Variants in DYNC2I1 observed in about 807,000 individuals in gnomAD.
DYNC2I1 encodes the protein dynein 2 intermediate chain 1, also known as cytoplasmic dynein 2 intermediate chain 1.
Under a neutral mutation model 133.4 loss-of-function variants are expected in DYNC2I1, and 89 were observed. That is an observed-to-expected ratio of 0.67 (90% CI 0.56 to 0.80). The LOEUF (loss-of-function observed/expected upper bound fraction) is 0.80. DYNC2I1 is among the 30% of genes least tolerant of loss of function. DYNC2I1 has a pLI of 0.00. For synonymous variants in DYNC2I1, 504 were observed against 484.3 expected (o/e 1.04, Z -0.54); for missense variants, 1,291 against 1,314.5 (o/e 0.98, Z 0.28).
chr7:158,879,275 C>T (rs373930875), intron 4 of DYNC2I1, among the ~76,000 whole-genome samples: 2 of 151,934 alleles, frequency 1.3e-5, no homozygotes, highest in Admixed American at 6.6e-5. Flanking sequence ...TGTAAGTTTT[C>T]CTCCTTTTAT....
At chr7:158,928,068 G>A (rs1174945723) in intron 20 of DYNC2I1, among the ~76,000 whole-genome samples, 4 of 152,170 alleles carry the variant, frequency 2.6e-5, no homozygotes, top group South Asian at 2.1e-4. Context: ...ATGCTGCCCC[G>A]AGGGCCCTTA....
At chr7:158,894,834 C>T (rs1246201693) in intron 8 of DYNC2I1, among the ~76,000 whole-genome samples, 1 of 151,912 alleles carries the variant, frequency 6.6e-6, no homozygotes, top group Non-Finnish European at 1.5e-5. Flanking sequence ...CCTGTGCCTC[C>T]ACATCCTCAC....
chr7:158,899,422 TAGATC>T (rs1274238785), intron 8 of DYNC2I1, among the ~76,000 whole-genome samples: 2 of 152,220 alleles, frequency 1.3e-5, no homozygotes, highest in Non-Finnish European at 2.9e-5. Flanking sequence ...TGTTATCTGT[TAGATC>T]AATTAAGGAA....
intron 1 of DYNC2I1, among the ~76,000 whole-genome samples, chr7:158,858,080 C>T (rs921075780): frequency 3.3e-5 from 5 of 152,242 alleles, no homozygotes; most frequent in South Asian, 2.1e-4. Context: ...CGTGAGCCAC[C>T]GCGCTAGGCC....
At chr7:158,845,403 A>T in the DYNC2I1 span, among the ~76,000 whole-genome samples, 2 of 152,214 alleles carry the variant, frequency 1.3e-5, no homozygotes, top group East Asian at 3.8e-4. Flanking sequence ...GTAATGTTAG[A>T]AATGGAGGAA....
the DYNC2I1 span, among the ~76,000 whole-genome samples, chr7:158,850,607 G>C: frequency 6.6e-6 from 1 of 152,208 alleles, no homozygotes; most frequent in African/African-American, 2.4e-5. Flanking sequence ...GTAGAAGCTG[G>C]AATGTTGCTC....
chr7:158,877,714 T>G (rs984068001), intron 4 of DYNC2I1, among the ~76,000 whole-genome samples: 3 of 152,206 alleles, frequency 2.0e-5, no homozygotes, highest in African/African-American at 2.4e-5. Context: ...TTTTTTTATT[T>G]TTTAGAGACA....
At chr7:158,919,869 C>G (rs1319490596) in intron 15 of DYNC2I1, among the ~76,000 whole-genome samples, 1 of 147,968 alleles carries the variant, frequency 6.8e-6, no homozygotes, top group South Asian at 2.1e-4. Flanking sequence ...AGAAGGGAAC[C>G]GAGTGTGCGC....
In DYNC2I1 at chr7:158,929,385, A is replaced by G. The variant is rs141079173; in HGVS notation, c.2486-1070A>G. ...TTACTGGAGCGGAGGCGCAGTGGGA[A>G]GGCCTGGCCAGAAAGGCTGCCCGTG... On this transcript the variant is annotated intron_variant, in intron 20 of 24. Transcript: ENST00000407559. 7.1e-3 allele frequency among the ~76,000 whole-genome samples: 1,078 copies of G among 152,282 alleles called. 13 individuals carry two copies. The highest frequency in any genetic ancestry group is 0.024 in the African/African-American group (1,011 of 41,554).
At chr7:158,942,190 G>A (rs1413827365) in intron 24 of DYNC2I1, 42 bp downstream of exon 24, 4 of 1,472,410 alleles carry the variant, frequency 2.7e-6, no homozygotes, top group Non-Finnish European at 3.6e-6. Flanking sequence ...TTGTGGGGGG[G>A]CTTCGGCCAC....
In DYNC2I1 at chr7:158,942,041, C is replaced by G; in HGVS notation, c.2895C>G (p.Thr965=). ...HAVTGLQWSP[T]RPAVFLVQDD... Reference sequence around the variant, plus strand: ...TCACCGGCCTGCAGTGGTCCCCAACCAGGCCTGCCGTGTTCCTGGTGCAGG... The same window carrying G: ...TCACCGGCCTGCAGTGGTCCCCAACGAGGCCTGCCGTGTTCCTGGTGCAGG... Residue 965 remains threonine, a synonymous_variant, in exon 24 of 25, where the codon ACC becomes ACG. Transcript: ENST00000407559. 1 of 1,613,378 alleles carries G rather than the reference C, an allele frequency of 6.2e-7. No homozygotes were observed. Among genetic ancestry groups the G allele is most frequent in the South Asian group, 1.1e-5 (1 of 91,006 alleles).
At chr7:158,870,086 C>T (rs758649983) in intron 2 of DYNC2I1, among the ~76,000 whole-genome samples, 178 bp downstream of exon 2, 2 of 152,212 alleles carry the variant, frequency 1.3e-5, no homozygotes, top group Non-Finnish European at 2.9e-5. Flanking sequence ...GTTGGTTAAG[C>T]CAGCTGGACA....
intron 3 of DYNC2I1, among the ~76,000 whole-genome samples, chr7:158,875,072 CT>C (rs1332234507): frequency 1.3e-5 from 2 of 149,630 alleles, no homozygotes; most frequent in Non-Finnish European, 3.0e-5. Context: ...TAGAAGAGTG[CT>C]CAGTGCTTGG....
chr7:158,894,132 A>ATTCCGCATATCCTACCGCATATCC (rs1845535289), intron 8 of DYNC2I1, among the ~76,000 whole-genome samples: 2 of 150,954 alleles, frequency 1.3e-5, no homozygotes, highest in Non-Finnish European at 3.0e-5. Context: ...ACCGCATATC[A>ATTCCGCATATCCTACCGCATATCC]TACCGCATAT....
At chr7:158,918,096 C>T (rs761313405) in intron 14 of DYNC2I1, among the ~76,000 whole-genome samples, 15 of 152,112 alleles carry the variant, frequency 9.9e-5, no homozygotes, top group South Asian at 2.1e-4. Context: ...TCAGTATTCC[C>T]GGCCGTCCTG....
chr7:158,909,960 G>A (rs1847229150), intron 11 of DYNC2I1, among the ~76,000 whole-genome samples: 1 of 152,142 alleles, frequency 6.6e-6, no homozygotes, highest in Admixed American at 6.5e-5. Flanking sequence ...AGGATCGGGG[G>A]AGGAGGAGGA....
In DYNC2I1 at chr7:158,911,799, C is replaced by A. The variant is rs180791821; in HGVS notation, c.1590+120C>A. The A allele has an allele frequency of 3.0e-4, 390 of 1,294,748 alleles. No homozygotes were observed. The African/African-American group carries it at 5.4e-3, about 18-fold the overall frequency. 80.2% of individuals were successfully genotyped at this position (1,294,748 alleles called of 1,614,324 possible). A position where few individuals can be genotyped will look rare whatever the true frequency, so the allele number is the denominator to read the frequency against. ...ACTTGGGGATGGTCTGTGAAGGATACAAGCTTAGGGAAAATGGGGACCCAT... is the reference window on the plus strand; with the variant it reads ...ACTTGGGGATGGTCTGTGAAGGATAAAAGCTTAGGGAAAATGGGGACCCAT... On this transcript the variant is annotated intron_variant, in intron 12 of 24. Coordinates refer to ENST00000407559, the MANE Select transcript of DYNC2I1 (RefSeq NM_018051.5).
intron 3 of DYNC2I1, among the ~76,000 whole-genome samples, chr7:158,875,329 G>A (rs927550958): frequency 1.3e-4 from 20 of 152,040 alleles, no homozygotes; most frequent in African/African-American, 4.1e-4. Flanking sequence ...TCCTGACTTC[G>A]TGATCCACCT....
chr7:158,869,018 ACT>A (rs1219183402), intron 1 of DYNC2I1, among the ~76,000 whole-genome samples: 10 of 152,000 alleles, frequency 6.6e-5, no homozygotes, highest in African/African-American at 2.4e-4. Context: ...TTTCTCACAT[ACT>A]CTGTGGATCA....
Sources: gnomAD v4.1 joint callset for allele counts (sites outside exome capture counted in the v4.1 genomes callset) on GRCh38, gnomAD v4.1.1 for gene constraint, MANE v1.5 for transcripts, NCBI Gene and HGNC (gene_info 2026-07-23, HGNC 2026-07-21) for gene names.